The following ARSB variants were observed in gnomAD, a reference collection of about 807,000 sequenced individuals.
ARSB encodes the protein N-acetylgalactosamine-4-sulfatase.
Under a neutral mutation model 50.9 loss-of-function variants are expected in ARSB, and 41 were observed. The observed-to-expected ratio is 0.81, with a 90% confidence interval of 0.63 to 1.04. ARSB has a LOEUF of 1.04. Among genes scored for constraint, ARSB ranks in the 50% least tolerant of loss-of-function variants. ARSB has a pLI of 0.00. For missense variants in ARSB, 672 were observed against 693.3 expected (o/e 0.97, Z 0.35); for synonymous variants, 269 against 284.8 (o/e 0.94, Z 0.56).
At position 78,818,954 on chromosome 5, in the gene ARSB, G is replaced by A. The variant is rs77116703; in HGVS notation, c.1213+20402C>T. Among the ~76,000 whole-genome samples the A allele has an allele frequency of 9.4e-3, 1,426 of 152,234 alleles. 26 individuals are homozygous for A. The highest frequency in any genetic ancestry group is 0.032 in the African/African-American group (1,323 of 41,536). On this transcript the variant is annotated intron_variant, in intron 6 of 7. Coordinates refer to ENST00000264914, the MANE Select transcript of ARSB (RefSeq NM_000046.5). ...CCCTGGCCCTCTCTGGCTCCTTAGGGGCAGAGGCCATGTCCCATTGATCTT... is the reference window on the plus strand; with the variant it reads ...CCCTGGCCCTCTCTGGCTCCTTAGGAGCAGAGGCCATGTCCCATTGATCTT...
chr5:78,890,026 C>G (rs763302990), intron 4 of ARSB, among the ~76,000 whole-genome samples: 2 of 152,066 alleles, frequency 1.3e-5, no homozygotes, highest in Non-Finnish European at 2.9e-5. Flanking sequence ...TAGGCAACAT[C>G]GTTTCAAAAA....
At chr5:78,977,565 G>A (rs1752722524) in intron 1 of ARSB, among the ~76,000 whole-genome samples, 1 of 152,164 alleles carries the variant, frequency 6.6e-6, no homozygotes, top group Non-Finnish European at 1.5e-5. Context: ...TTGCTGCTCA[G>A]TAAACATTTG....
chr5:78,822,813 T>C (rs962262189), intron 6 of ARSB, among the ~76,000 whole-genome samples: 2 of 152,116 alleles, frequency 1.3e-5, no homozygotes, highest in Non-Finnish European at 2.9e-5. Flanking sequence ...AATTTTTGTA[T>C]TTTTAGTAGA....
At chr5:78,816,412 C>T (rs1177238363) in intron 6 of ARSB, among the ~76,000 whole-genome samples, 1 of 152,186 alleles carries the variant, frequency 6.6e-6, no homozygotes, top group African/African-American at 2.4e-5. Flanking sequence ...GTGTCACTCC[C>T]CAGCCCCACC....
intron 6 of ARSB, among the ~76,000 whole-genome samples, chr5:78,836,373 T>C (rs139050704): frequency 1.1e-3 from 173 of 152,302 alleles, no homozygotes; most frequent in African/African-American, 4.0e-3. Context: ...CTTCGTTATC[T>C]GCAGGAGTCA....
In ARSB at chr5:78,984,992, T is replaced by C. The variant is rs1293266528; in HGVS notation, c.257A>G (p.Tyr86Cys). The C allele has an allele frequency of 6.5e-7, 1 of 1,534,710 alleles. No individual in the cohort carries two copies. The highest frequency in any genetic ancestry group is 8.7e-7 in the Non-Finnish European group (1 of 1,144,166). The change falls in exon 1 of 8, where the codon TAC becomes TGC. Residue 86 changes from tyrosine to cysteine, a missense_variant. Transcript: ENST00000264914. ...AAGGVLLDNY[Y>C]TQPLCTPSRS... ...CGACGGCGTGCACAGCGGCTGCGTG[T>C]AGTAGTTGTCCAGGAGCACCCCGCC... is the stretch of plus-strand genomic sequence containing the variant.
intron 4 of ARSB, among the ~76,000 whole-genome samples, chr5:78,932,459 G>A (rs578242626): frequency 1.6e-4 from 24 of 152,104 alleles, no homozygotes; most frequent in Non-Finnish European, 3.1e-4. Flanking sequence ...CATTGTGTGG[G>A]GATTGTCTCT....
At chr5:78,792,187 G>T (rs12109507) in intron 6 of ARSB, among the ~76,000 whole-genome samples, 4,411 of 151,988 alleles carry the variant, frequency 0.029, 204 homozygotes, top group African/African-American at 0.099. Context: ...GAGACCAGCC[G>T]GGCCACTGTG....
At chr5:78,797,192 G>C (rs1743217542) in intron 6 of ARSB, among the ~76,000 whole-genome samples, 1 of 152,118 alleles carries the variant, frequency 6.6e-6, no homozygotes, top group Non-Finnish European at 1.5e-5. Context: ...TCGATCTCTT[G>C]ACCTTGTGAT....
chr5:78,926,867 G>T (rs6895479), intron 4 of ARSB, among the ~76,000 whole-genome samples: 4,213 of 152,284 alleles, frequency 0.028, 132 homozygotes, highest in East Asian at 0.072. Flanking sequence ...ATCATGAAAA[G>T]ATAAAAATAA....
intron 5 of ARSB, among the ~76,000 whole-genome samples, chr5:78,876,836 T>C (rs914463204): frequency 5.9e-5 from 9 of 152,212 alleles, no homozygotes; most frequent in Non-Finnish European, 1.5e-5. Context: ...CTTTACTGCC[T>C]GAGTTCTGCC....
At chr5:78,839,927 C>T (rs1745124035) in intron 5 of ARSB, among the ~76,000 whole-genome samples, 1 of 152,200 alleles carries the variant, frequency 6.6e-6, no homozygotes, top group African/African-American at 2.4e-5. Flanking sequence ...AATATAAATA[C>T]ATGAGAAATA....
intron 5 of ARSB, among the ~76,000 whole-genome samples, chr5:78,846,990 T>C (rs1183265197): frequency 6.6e-6 from 1 of 152,256 alleles, no homozygotes; most frequent in East Asian, 1.9e-4. Context: ...ATCCTTTTTA[T>C]GTATCTATTG....
At chr5:78,901,749 T>C (rs776053885) in intron 4 of ARSB, among the ~76,000 whole-genome samples, 2 of 152,082 alleles carry the variant, frequency 1.3e-5, no homozygotes, top group Admixed American at 6.5e-5. Flanking sequence ...TACACAAAAA[T>C]AGATGGTCAA....
chr5:78,937,369 ATATG>A (rs35516786), intron 4 of ARSB, among the ~76,000 whole-genome samples: 23,907 of 127,026 alleles, frequency 0.19, 3,742 homozygotes, highest in East Asian at 0.42. Flanking sequence ...TAAGATATAT[ATATG>A]TAAGATATAT....
intron 6 of ARSB, chr5:78,815,370 C>G (rs1743951455): frequency 9.1e-6 from 2 of 220,490 alleles, no homozygotes; most frequent in Non-Finnish European, 1.5e-5. Flanking sequence ...CTGCTTTTCA[C>G]TCATCTCACT....
At chr5:78,962,826 G>A (rs1580133462) in intron 3 of ARSB, among the ~76,000 whole-genome samples, 1 of 152,162 alleles carries the variant, frequency 6.6e-6, no homozygotes, top group Non-Finnish European at 1.5e-5. Flanking sequence ...TTTTACCTTA[G>A]CTTGTGGAAG....
At chr5:78,880,823 A>G (rs1747711765) in intron 5 of ARSB, among the ~76,000 whole-genome samples, 1 of 152,136 alleles carries the variant, frequency 6.6e-6, no homozygotes, top group African/African-American at 2.4e-5. Context: ...TTTTCCTGTA[A>G]GTTCATAGTT....
intron 4 of ARSB, among the ~76,000 whole-genome samples, chr5:78,918,791 C>T (rs1749676258): frequency 6.6e-6 from 1 of 152,126 alleles, no homozygotes; most frequent in Admixed American, 6.5e-5. Context: ...ACATTTTTTT[C>T]TCAGTTCAAA....
Sources: allele counts gnomAD v4.1 joint callset (sites outside exome capture counted in the v4.1 genomes callset), GRCh38; gene constraint gnomAD v4.1.1; transcripts MANE v1.5; gene names NCBI Gene and HGNC (gene_info 2026-07-23, HGNC 2026-07-21).